CCM2: variants seen among roughly 807,000 people sequenced by gnomAD.
CCM2 encodes cerebral cavernous malformations 2 protein.
A neutral mutation model predicts 44.9 loss-of-function variants in CCM2; 25 were observed. That is an observed-to-expected ratio of 0.56 (90% CI 0.41 to 0.78). CCM2 has a LOEUF of 0.78. Ranked by LOEUF, CCM2 falls within the 30% of genes least tolerant of loss-of-function variation. The pLI, the probability that CCM2 is intolerant of heterozygous loss-of-function variation, is 0.00. For missense variants in CCM2, 481 were observed against 580.6 expected (o/e 0.83, Z 1.76); for synonymous variants, 219 against 241.1 (o/e 0.91, Z 0.85).
chr7:45,053,121 C>G (rs7810820), intron 2 of CCM2, among the ~76,000 whole-genome samples: 13,351 of 152,200 alleles, frequency 0.088, 1,419 homozygotes, highest in African/African-American at 0.25. Context: ...TGCAGAGGAC[C>G]TTTTTGATAG....
At chr7:45,071,980 A>G (rs1196652586) in intron 6 of CCM2, 6 of 397,938 alleles carry the variant, frequency 1.5e-5, no homozygotes, top group African/African-American at 1.0e-4. Context: ...TGCCCTCCAT[A>G]CTTACCTTGT....
rs1795537201 is a variant in CCM2 at position 45,000,308 on chromosome 7, G to C, written c.-26G>C. 1 of 1,250,258 alleles carries C rather than the reference G, an allele frequency of 8.0e-7. No individual in the cohort carries two copies. 77.4% of individuals were successfully genotyped at this position (1,250,258 alleles called of 1,614,324 possible). The stretch of plus-strand genomic sequence containing the variant: ...GCGGGGCTCCCGGGGCGGGCCGGGC[G>C]GGCCGCGGGAGCCGCACGCGGCGAT... On this transcript the variant is annotated 5_prime_UTR_variant, in exon 1 of 10. Coordinates refer to ENST00000258781, the MANE Select transcript of CCM2 (RefSeq NM_031443.4).
chr7:45,039,097 G>A (rs1357885809), intron 2 of CCM2, among the ~76,000 whole-genome samples: 2 of 152,168 alleles, frequency 1.3e-5, no homozygotes, highest in African/African-American at 4.8e-5. Context: ...GAGTCCAGGG[G>A]GCTCAGGAGG....
intron 2 of CCM2, among the ~76,000 whole-genome samples, chr7:45,053,824 G>C (rs566064263): frequency 6.6e-6 from 1 of 152,254 alleles, no homozygotes; most frequent in African/African-American, 2.4e-5. Context: ...CCACGGGTGG[G>C]CTTTCCTGTC....
intron 1 of CCM2, among the ~76,000 whole-genome samples, chr7:45,018,181 G>C (rs1180027808): frequency 6.6e-6 from 1 of 152,134 alleles, no homozygotes; most frequent in Non-Finnish European, 1.5e-5. Flanking sequence ...TGATCTCACA[G>C]GAGGCGGGGC....
intron 1 of CCM2, among the ~76,000 whole-genome samples, chr7:45,035,585 A>G (rs1721082263): frequency 6.6e-6 from 1 of 152,176 alleles, no homozygotes; most frequent in Non-Finnish European, 1.5e-5. Flanking sequence ...GGTCAAGGGA[A>G]GACTATTCCA....
intron 1 of CCM2, among the ~76,000 whole-genome samples, chr7:45,010,299 T>C (rs114934369): frequency 6.6e-6 from 1 of 152,288 alleles, no homozygotes; most frequent in African/African-American, 2.4e-5. Context: ...AAATAAAATA[T>C]TACCTACCAT....
rs1795534806 is a variant in CCM2 at position 45,000,281 on chromosome 7, C to T, written c.-53C>T. On this transcript the variant is annotated 5_prime_UTR_variant, in exon 1 of 10. Transcript: ENST00000258781. The stretch of plus-strand genomic sequence containing the variant: ...GGGTCGAGCATGTAGCGGCTGCTGG[C>T]GGCGGGGCTCCCGGGGCGGGCCGGG... 2.7e-6 allele frequency: 3 copies of T among 1,113,418 alleles called. No individual in the cohort carries two copies. Among genetic ancestry groups the T allele is most frequent in the African/African-American group, 4.1e-5 (2 of 48,290 alleles). The allele number at this position is 1,113,418 out of a possible 1,614,324, so 69.0% of individuals were successfully genotyped here.
chr7:45,049,198 C>A (rs953565627), intron 2 of CCM2, among the ~76,000 whole-genome samples: 1 of 152,192 alleles, frequency 6.6e-6, no homozygotes, highest in East Asian at 1.9e-4. Context: ...CTCAAGCGAT[C>A]CTCCTGCCTC....
At position 45,032,232 on chromosome 7, in the gene CCM2, A is replaced by G. The variant is rs567157988; in HGVS notation, c.31-6021A>G. Among the ~76,000 whole-genome samples, 90 of 152,320 alleles carry G rather than the reference A, an allele frequency of 5.9e-4. 1 individual carries two copies. Among genetic ancestry groups the G allele is most frequent in the African/African-American group, 1.9e-3 (81 of 41,568 alleles). ...AAAAAAGAAACTTAGGGTAGCTGCT[A>G]TTGAAGACTAAGGACTAGGGCCAGA... On this transcript the variant is annotated intron_variant, in intron 1 of 9. Coordinates refer to ENST00000258781, the MANE Select transcript of CCM2 (RefSeq NM_031443.4).
At chr7:45,022,251 T>C (rs1796507344) in intron 1 of CCM2, among the ~76,000 whole-genome samples, 1 of 151,278 alleles carries the variant, frequency 6.6e-6, no homozygotes, top group Admixed American at 6.6e-5. Context: ...CACATTTTAG[T>C]ATGTTTCATG....
intron 1 of CCM2, among the ~76,000 whole-genome samples, chr7:45,034,715 T>G (rs1439443669): frequency 6.6e-6 from 1 of 151,418 alleles, no homozygotes; most frequent in Non-Finnish European, 1.5e-5. Flanking sequence ...AGACGGAGTT[T>G]CACCATCTTG....
chr7:45,066,250 G>A (rs1393330086), intron 4 of CCM2, among the ~76,000 whole-genome samples: 1 of 152,086 alleles, frequency 6.6e-6, no homozygotes, highest in East Asian at 1.9e-4. Flanking sequence ...GGATGCACCG[G>A]AGCAGTTGTG....
intron 1 of CCM2, among the ~76,000 whole-genome samples, chr7:45,034,387 A>G: frequency 6.6e-6 from 1 of 151,098 alleles, no homozygotes; most frequent in African/African-American, 2.4e-5. Flanking sequence ...AATTTTTGGT[A>G]TTTTAAGTAG....
chr7:45,023,339 C>T (rs1796556051), intron 1 of CCM2, among the ~76,000 whole-genome samples: 1 of 152,108 alleles, frequency 6.6e-6, no homozygotes, highest in African/African-American at 2.4e-5. Context: ...CACCTGAGGT[C>T]AGGAGTTCGA....
Position 45,008,423 on chromosome 7 carries a change from G to A in CCM2, c.30+8060G>A, listed in dbSNP as rs1156533975. On this transcript the variant is annotated intron_variant, in intron 1 of 9. Transcript: ENST00000258781. The stretch of plus-strand genomic sequence containing the variant: ...CTTGCCCAGGCTGGAGTGCAGTGGC[G>A]CGATCTCGGCTCACCACAACCTCTA... 6.4e-5 allele frequency among the ~76,000 whole-genome samples: 9 copies of A among 139,696 alleles called. No individual in the cohort carries two copies. The South Asian group carries it at 1.6e-3, about 24-fold the overall frequency. 91.6% of individuals were successfully genotyped at this position (139,696 alleles called of 152,430 possible).
At chr7:45,074,474 G>A (rs1338887383) in intron 9 of CCM2, 66 bp downstream of exon 9, 13 of 1,365,042 alleles carry the variant, frequency 9.5e-6, no homozygotes, top group Non-Finnish European at 1.3e-5. Context: ...TCCCTCCTGG[G>A]AATGTGCACA....
rs891955613 is a variant in CCM2 at position 45,040,272 on chromosome 7, T to A, written c.204+1846T>A. ...GGTGGCGGGCACCTGTAGTCCCAGC[T>A]ACTCGGGAGGCTGACATAGGAGAAT... On this transcript the variant is annotated intron_variant, in intron 2 of 9. Coordinates refer to ENST00000258781, the MANE Select transcript of CCM2 (RefSeq NM_031443.4). 2.0e-5 allele frequency among the ~76,000 whole-genome samples: 3 copies of A among 152,002 alleles called. No homozygotes were observed. In the East Asian group the frequency reaches 5.8e-4, roughly 30 times the overall value.
At chr7:45,023,810 T>G (rs866557923) in intron 1 of CCM2, among the ~76,000 whole-genome samples, 3,660 of 134,660 alleles carry the variant, frequency 0.027, 233 homozygotes, top group Middle Eastern at 0.042. Flanking sequence ...TTTTTTTTTT[T>G]TTTTTTTTTT....
Sources: gnomAD v4.1 joint callset for allele counts (sites outside exome capture counted in the v4.1 genomes callset) on GRCh38, gnomAD v4.1.1 for gene constraint, MANE v1.5 for transcripts, NCBI Gene and HGNC (gene_info 2026-07-23, HGNC 2026-07-21) for gene names.